EED: variants seen among roughly 807,000 people sequenced by gnomAD.
EED encodes the protein embryonic ectoderm development, also known as polycomb protein EED.
EED carries 9 observed loss-of-function variants against 61.0 expected under a neutral mutation model. The ratio of observed to expected loss-of-function variants is 0.15; its 90% CI spans 0.09 to 0.26. EED has a LOEUF of 0.26. EED is among the 10% of genes least tolerant of loss of function. The pLI, the probability that EED is intolerant of heterozygous loss-of-function variation, is 1.00. For synonymous variants in EED, 187 were observed against 174.4 expected (o/e 1.07, Z -0.57); for missense variants, 315 against 542.3 (o/e 0.58, Z 4.16).
At chr11:86,254,741 G>C (rs1157480577) in intron 3 of EED, among the ~76,000 whole-genome samples, 1 of 151,916 alleles carries the variant, frequency 6.6e-6, no homozygotes, top group African/African-American at 2.4e-5. Flanking sequence ...ACCAGCCTCA[G>C]CCTCCTGAGT....
intron 9 of EED, among the ~76,000 whole-genome samples, chr11:86,271,837 T>C (rs796885909): frequency 8.6e-5 from 13 of 151,740 alleles, no homozygotes; most frequent in African/African-American, 3.1e-4. Context: ...AATACATTCC[T>C]ACTTGATCAT....
In EED at chr11:86,276,966, T is replaced by C. The variant is rs1413275557; in HGVS notation, c.967-14T>C. The stretch of plus-strand genomic sequence containing the variant: ...CATTAACATTTCTTTTTCTCATTTC[T>C]CTCTCTGTTTTAGTCTTGTGAAAAT... On this transcript the variant is annotated splice_polypyrimidine_tract_variant and intron_variant, in intron 9 of 11. Coordinates refer to ENST00000263360, the MANE Select transcript of EED (RefSeq NM_003797.5). 1.4e-6 allele frequency: 2 copies of C among 1,478,224 alleles called. No homozygotes were observed. The highest frequency in any genetic ancestry group is 4.7e-5 in the East Asian group (2 of 42,854). The allele number at this position is 1,478,224 out of a possible 1,614,324, so 91.6% of individuals were successfully genotyped here.
rs765631955 is a variant in EED, at chr11:86,278,414, T to G, written c.1215T>G (p.Thr405=). 19 of 1,613,388 alleles carry G rather than the reference T, an allele frequency of 1.2e-5. No individual in the cohort carries two copies. In the East Asian group the frequency reaches 4.2e-4, roughly 36 times the overall value. Residue 405 remains threonine, a synonymous_variant, in exon 12 of 12, where the codon ACT becomes ACG. Transcript: ENST00000263360. ...TTTTCCCTAGATGTACAACACTGACTCATCATAAATGTGGTGCTGCTATTC... is the reference window on the plus strand; with the variant it reads ...TTTTCCCTAGATGTACAACACTGACGCATCATAAATGTGGTGCTGCTATTC... ...DPHKAKCTTL[T]HHKCGAAIRQ... is the part of the protein sequence containing the mutation.
chr11:86,277,721 C>T (rs1315381775), intron 10 of EED, 197 bp from the exon 11 acceptor site: 3 of 366,608 alleles, frequency 8.2e-6, no homozygotes, highest in Non-Finnish European at 1.4e-5. Flanking sequence ...TTCTTACTTG[C>T]TCAAGACACT....
At chr11:86,270,535 G>A (rs982136630) in intron 9 of EED, among the ~76,000 whole-genome samples, 1 of 151,878 alleles carries the variant, frequency 6.6e-6, no homozygotes, top group Non-Finnish European at 1.5e-5. Flanking sequence ...CCAGTATATT[G>A]ATTTTTTAAA....
chr11:86,245,163 TTGCTTG>T lies in EED; in HGVS notation c.-66_-61del. The T allele has an allele frequency of 7.3e-7, 1 of 1,370,132 alleles. No homozygotes were observed. The highest frequency in any genetic ancestry group is 1.0e-6 in the Non-Finnish European group (1 of 977,960). The allele number at this position is 1,370,132 out of a possible 1,614,324, so 84.9% of individuals were successfully genotyped here. A position where few individuals can be genotyped will look rare whatever the true frequency, so the allele number is the denominator to read the frequency against. ...ACTTTGCGGCAAGCTCGGGCCGGGC[TTGCTTG>T]ACGGCGGTGTGGCGGAGGCCCCGCC... is the stretch of plus-strand genomic sequence containing the variant. On this transcript the variant is annotated 5_prime_UTR_variant, in exon 1 of 12. Transcript: ENST00000263360.
At chr11:86,252,350 A>G in intron 3 of EED, 110 bp downstream of exon 3, 1 of 726,702 alleles carries the variant, frequency 1.4e-6, no homozygotes, top group Non-Finnish European at 2.2e-6. Flanking sequence ...TGGTTTAGCA[A>G]TATGATTCTT....
At chr11:86,257,176 A>G (rs1029179780) in intron 5 of EED, among the ~76,000 whole-genome samples, 2 of 133,306 alleles carry the variant, frequency 1.5e-5, no homozygotes, top group African/African-American at 2.8e-5. Flanking sequence ...GCTGGGGCCA[A>G]TTTTTAATTT....
rs201659439 is a variant in EED, at chr11:86,245,210, C to G, written c.-20C>G. 1 of 1,606,472 alleles carries G rather than the reference C, an allele frequency of 6.2e-7. No homozygotes were observed. Among genetic ancestry groups the G allele is most frequent in the East Asian group, 2.3e-5 (1 of 44,090 alleles). On this transcript the variant is annotated 5_prime_UTR_variant, in exon 1 of 12. Coordinates refer to ENST00000263360, the MANE Select transcript of EED (RefSeq NM_003797.5). ...AGGCCCCGCCCCAGGCGGCAGGAAC[C>G]TGGAGGGAGGCGGAGGAATATGTCC...
At chr11:86,264,472 C>T in intron 7 of EED, 1 of 386,068 alleles carries the variant, frequency 2.6e-6, no homozygotes, top group East Asian at 3.9e-5. Context: ...ATTACTTGCA[C>T]TGTATACCAA....
In EED at chr11:86,258,554, G is replaced by GTTTTT. The variant is rs768325009; in HGVS notation, c.634+958_634+959insTTTTT. On this transcript the variant is annotated intron_variant, in intron 6 of 11. Transcript: ENST00000263360. ...TTTTTTTCTCTTTTCTTTGTTTTTT[G>GTTTTT]GTTTTTTTTTTTTTTTTTGAGACAA... Among the ~76,000 whole-genome samples, 1,082 of 143,428 alleles carry GTTTTT rather than the reference G, an allele frequency of 7.5e-3. 22 individuals are homozygous for GTTTTT. The highest frequency in any genetic ancestry group is 0.058 in the East Asian group (279 of 4,826). The allele number at this position is 143,428 out of a possible 152,430, so 94.1% of individuals were successfully genotyped here. A position where few individuals can be genotyped will look rare whatever the true frequency, so the allele number is the denominator to read the frequency against.
chr11:86,266,340 G>A (rs551429016), intron 8 of EED, 124 bp downstream of exon 8: 2 of 821,538 alleles, frequency 2.4e-6, no homozygotes, highest in South Asian at 2.7e-5. Context: ...TAACTTTAAG[G>A]GACAATTTAC....
Position 86,257,706 on chromosome 11 carries a change from A to C in EED, c.634+110A>C, listed in dbSNP as rs76565538. ...AGGAAAAACCATGAGAAGAGAGTCC[A>C]CATGCTTGTATGTCTGATAATAAAA... On this transcript the variant is annotated intron_variant, in intron 6 of 11. Transcript: ENST00000263360. 8.2e-4 allele frequency: 642 copies of C among 780,302 alleles called. 3 individuals are homozygous for C. The African/African-American group carries it at 0.01, about 13-fold the overall frequency. 48.3% of individuals were successfully genotyped at this position (780,302 alleles called of 1,614,324 possible).
intron 8 of EED, among the ~76,000 whole-genome samples, chr11:86,267,582 T>A (rs1301373988): frequency 2.0e-5 from 3 of 152,072 alleles, no homozygotes; most frequent in African/African-American, 7.2e-5. Context: ...TTTGGAAAAG[T>A]CCTAGGAAAT....
chr11:86,281,064 G>A (rs908018917), downstream of EED, among the ~76,000 whole-genome samples: 7 of 152,114 alleles, frequency 4.6e-5, no homozygotes, highest in African/African-American at 1.7e-4. Context: ...TGAAGATGAT[G>A]GTTTGCTATT....
chr11:86,280,244 C>T (rs879625098), downstream of EED, among the ~76,000 whole-genome samples: 6 of 152,226 alleles, frequency 3.9e-5, no homozygotes, highest in Non-Finnish European at 7.4e-5. Context: ...GTGTGTGCCA[C>T]GATGCCCAGC....
chr11:86,260,194 T>A (rs1945791004), intron 6 of EED, among the ~76,000 whole-genome samples: 2 of 152,330 alleles, frequency 1.3e-5, no homozygotes, highest in Admixed American at 1.3e-4. Context: ...ATTTCAAGCT[T>A]ACATGACGTG....
intron 3 of EED, among the ~76,000 whole-genome samples, chr11:86,252,706 G>C (rs898183508): frequency 6.6e-6 from 1 of 151,902 alleles, no homozygotes; most frequent in Non-Finnish European, 1.5e-5. Context: ...TGAGTTTGCT[G>C]GGTTTTTTTG....
chr11:86,283,694 T>G (rs1179755736), downstream of EED, among the ~76,000 whole-genome samples: 1 of 152,208 alleles, frequency 6.6e-6, no homozygotes, highest in Non-Finnish European at 1.5e-5. Context: ...ACGGACGGGT[T>G]AGATTAGTCA....
Sources: gnomAD v4.1 joint callset for allele counts (sites outside exome capture counted in the v4.1 genomes callset) on GRCh38, gnomAD v4.1.1 for gene constraint, MANE v1.5 for transcripts, NCBI Gene and HGNC (gene_info 2026-07-23, HGNC 2026-07-21) for gene names.